Variants in CCDC32 observed in about 807,000 individuals in gnomAD.
CCDC32 encodes the protein coiled-coil domain containing 32, also known as coiled-coil domain-containing protein 32.
Under a neutral mutation model 20.1 loss-of-function variants are expected in CCDC32, and 9 were observed. The observed-to-expected ratio is 0.45, with a 90% CI of 0.27 to 0.78. The LOEUF (loss-of-function observed/expected upper bound fraction) is 0.78, where lower values mean the gene tolerates loss of function less well. Ranked by LOEUF, CCDC32 falls within the 30% of genes least tolerant of loss-of-function variation. CCDC32 has a pLI of 0.16. For synonymous variants in CCDC32, 63 were observed against 79.0 expected, an observed-to-expected ratio of 0.80 and a Z score of 1.07; for missense variants, 204 against 215.5, an observed-to-expected ratio of 0.95 and a Z score of 0.33.
At chr15:40,555,760 G>A (rs1392035599) in intron 3 of CCDC32, among the ~76,000 whole-genome samples, 1 of 152,196 alleles carries the variant, frequency 6.6e-6, no homozygotes, top group Non-Finnish European at 1.5e-5. Flanking sequence ...TCCTGATTTC[G>A]GCAGCAGTAC....
At chr15:40,532,421 A>C (rs1328268379), downstream of CCDC32, 3 of 642,872 alleles carry the variant, frequency 4.7e-6, no homozygotes, top group Admixed American at 7.0e-5. Context: ...ACTGCCATGT[A>C]GCAAGACACT....
intron 3 of CCDC32, among the ~76,000 whole-genome samples, chr15:40,540,011 C>T (rs1399879797): frequency 6.6e-6 from 1 of 152,144 alleles, no homozygotes; most frequent in Non-Finnish European, 1.5e-5. Flanking sequence ...GCGGCAAAAT[C>T]TAGGGAATAA....
chr15:40,543,172 AAAAAG>A (rs1056402264), intron 3 of CCDC32, among the ~76,000 whole-genome samples: 25 of 152,122 alleles, frequency 1.6e-4, no homozygotes, highest in Admixed American at 8.5e-4. Context: ...AAGAAAGAGA[AAAAAG>A]AAAAGAAAGA....
At chr15:40,538,893 C>A (rs899392277), downstream of CCDC32, 13 of 317,670 alleles carry the variant, frequency 4.1e-5, no homozygotes, top group Non-Finnish European at 7.7e-5. Flanking sequence ...AGGGAACTGA[C>A]CTTTAGTACC....
At chr15:40,522,474 C>T in the CCDC32 span, among the ~76,000 whole-genome samples, 98 of 152,294 alleles carry the variant, frequency 6.4e-4, no homozygotes, top group African/African-American at 2.3e-3. Flanking sequence ...TTAGAATCAG[C>T]TTGTCAATTT....
intron 3 of CCDC32, among the ~76,000 whole-genome samples, chr15:40,544,962 C>G (rs1889553416): frequency 6.6e-6 from 1 of 152,220 alleles, no homozygotes; most frequent in Non-Finnish European, 1.5e-5. Context: ...CAATTACCTA[C>G]TCCTCTCACT....
Position 40,553,781 on chromosome 15 carries a change from C to T in CCDC32, c.*190G>A. On this transcript the variant is annotated 3_prime_UTR_variant, in exon 4 of 4. Coordinates refer to ENST00000416810, the MANE Select transcript of CCDC32 (RefSeq NM_001080792.4). ...CACACATGCCAGCCCCAGGTAAGTC[C>T]CTGGGGGCTTGCAGCTGTTTTCTTT... 7.2e-7 allele frequency: 1 copy of T among 1,391,988 alleles called. No individual in the cohort carries two copies. 86.2% of individuals were successfully genotyped at this position (1,391,988 alleles called of 1,614,324 possible). A position where few individuals can be genotyped will look rare whatever the true frequency, so the allele number is the denominator to read the frequency against.
chr15:40,539,162 C>G (rs186834578), downstream of CCDC32: 7 of 1,280,206 alleles, frequency 5.5e-6, no homozygotes, highest in South Asian at 5.1e-5. Flanking sequence ...CCCCAGCTCC[C>G]GCTCAAACCT....
At chr15:40,535,736 G>T, downstream of CCDC32, 1 of 779,184 alleles carries the variant, frequency 1.3e-6, no homozygotes, top group Non-Finnish European at 1.6e-6. Context: ...TTAATCATTC[G>T]TTCATCTTTC....
chr15:40,525,549 C>T (rs540143006), downstream of CCDC32, among the ~76,000 whole-genome samples: 1 of 152,328 alleles, frequency 6.6e-6, no homozygotes, highest in East Asian at 1.9e-4. Context: ...AAGCCACACT[C>T]TTTTAGACTT....
downstream of CCDC32, among the ~76,000 whole-genome samples, chr15:40,534,012 A>G (rs946189342): frequency 1.3e-5 from 2 of 152,264 alleles, no homozygotes; most frequent in East Asian, 1.9e-4. Flanking sequence ...AATATAAATC[A>G]GCCCAGTTCT....
intron 3 of CCDC32, among the ~76,000 whole-genome samples, chr15:40,540,481 C>T (rs1242370742): frequency 1.3e-5 from 2 of 151,038 alleles, no homozygotes; most frequent in Non-Finnish European, 2.9e-5. Flanking sequence ...TATTCTCCTT[C>T]TTCAGCCTCC....
At chr15:40,564,247 G>A (rs191606386) in intron 1 of CCDC32, among the ~76,000 whole-genome samples, 1 of 152,308 alleles carries the variant, frequency 6.6e-6, no homozygotes, top group Admixed American at 6.5e-5. Context: ...TGTGCTCAGC[G>A]CATGCAGTTC....
chr15:40,525,531 A>C (rs1238650275), downstream of CCDC32, among the ~76,000 whole-genome samples: 1 of 152,018 alleles, frequency 6.6e-6, no homozygotes, highest in Non-Finnish European at 1.5e-5. Flanking sequence ...GTCCTTCTAA[A>C]TATTCTAAAG....
At chr15:40,528,632 G>T, downstream of CCDC32, 1 of 637,986 alleles carries the variant, frequency 1.6e-6, no homozygotes, top group Non-Finnish European at 2.8e-6. Context: ...CAGAAGGCCT[G>T]AGGAGAGATT....
At chr15:40,543,899 C>T (rs941692189) in intron 3 of CCDC32, among the ~76,000 whole-genome samples, 3 of 152,210 alleles carry the variant, frequency 2.0e-5, no homozygotes, top group Non-Finnish European at 4.4e-5. Flanking sequence ...TATATTTTTA[C>T]ACTACTATGT....
At chr15:40,557,474 A>T in intron 2 of CCDC32, 102 bp from the exon 3 acceptor site, 1 of 1,243,634 alleles carries the variant, frequency 8.0e-7, no homozygotes, top group South Asian at 1.5e-5. Flanking sequence ...CTCACCGATG[A>T]GGACATCCAC....
At chr15:40,543,954 A>C (rs897472140) in intron 3 of CCDC32, among the ~76,000 whole-genome samples, 9 of 152,218 alleles carry the variant, frequency 5.9e-5, no homozygotes, top group African/African-American at 2.2e-4. Flanking sequence ...CTAGAATTAT[A>C]ACTTTTTTTT....
chr15:40,537,451 G>A (rs1889168511), downstream of CCDC32: 1 of 152,242 alleles, frequency 6.6e-6, no homozygotes, highest in Non-Finnish European at 1.5e-5. Context: ...GGACCATCGG[G>A]GCACTAGCAG....
Sources: allele counts gnomAD v4.1 joint callset (sites outside exome capture counted in the v4.1 genomes callset), GRCh38; gene constraint gnomAD v4.1.1; transcripts MANE v1.5; gene names NCBI Gene and HGNC (gene_info 2026-07-23, HGNC 2026-07-21).